HK2: variants seen among roughly 807,000 people sequenced by gnomAD.
The protein encoded by HK2 is hexokinase-2.
HK2 carries 42 observed loss-of-function variants against 92.9 expected under a neutral mutation model. The observed-to-expected ratio is 0.45, with a 90% CI of 0.35 to 0.58. The LOEUF (loss-of-function observed/expected upper bound fraction) is 0.58, where lower values mean the gene tolerates loss of function less well. Among genes scored for constraint, HK2 ranks in the 20% least tolerant of loss-of-function variants. HK2 has a pLI of 0.00. For missense variants in HK2, 978 were observed against 1,245.1 expected (o/e 0.79, Z 3.23); for synonymous variants, 422 against 468.0 (o/e 0.90, Z 1.27).
intron 1 of HK2, among the ~76,000 whole-genome samples, chr2:74,840,878 C>CAAA (rs56344068): frequency 3.4e-4 from 19 of 55,946 alleles, no homozygotes; most frequent in East Asian, 8.2e-4. Context: ...GACTCTGTCT[C>CAAA]AAAAAAAAAA....
intron 1 of HK2, among the ~76,000 whole-genome samples, chr2:74,849,770 C>T (rs1450911936): frequency 2.0e-5 from 3 of 152,192 alleles, no homozygotes; most frequent in Non-Finnish European, 4.4e-5. Flanking sequence ...TCATGTGGGG[C>T]TATTCATCCT....
Position 74,867,896 on chromosome 2 carries a change from C to T in HK2, c.375+112C>T, listed in dbSNP as rs753786792. The stretch of plus-strand genomic sequence containing the variant: ...TGTGGATAGGCAGTCACCCAAGACA[C>T]TCATGGATGCCAGCACAGCTGTAAG... On this transcript the variant is annotated intron_variant, in intron 3 of 17. Coordinates refer to ENST00000290573, the MANE Select transcript of HK2 (RefSeq NM_000189.5). 11 of 1,222,040 alleles carry T rather than the reference C, an allele frequency of 9.0e-6. 1 individual carries two copies. Among genetic ancestry groups the T allele is most frequent in the Non-Finnish European group, 1.3e-5 (11 of 830,472 alleles). 75.7% of individuals were successfully genotyped at this position (1,222,040 alleles called of 1,614,324 possible).
At chr2:74,889,626 C>A in intron 17 of HK2, 148 bp downstream of exon 17, 5 of 730,722 alleles carry the variant, frequency 6.8e-6, no homozygotes, top group Non-Finnish European at 9.6e-6. Flanking sequence ...TTTAAAGATT[C>A]ATAATCAGAA....
chr2:74,876,600 C>T (rs1689236974), intron 7 of HK2, among the ~76,000 whole-genome samples: 1 of 152,228 alleles, frequency 6.6e-6, no homozygotes, highest in Middle Eastern at 3.4e-3. Flanking sequence ...ATTTAGAGCT[C>T]GGAGCCCAGT....
intron 1 of HK2, among the ~76,000 whole-genome samples, chr2:74,836,741 T>G (rs1424224116): frequency 1.3e-5 from 2 of 152,170 alleles, no homozygotes; most frequent in African/African-American, 4.8e-5. Context: ...GGCAGTTACA[T>G]AGAAAGCAGA....
At position 74,880,660 on chromosome 2, in the gene HK2, C is replaced by T. The variant is rs908888328; in HGVS notation, c.1570+91C>T. 10 of 1,291,332 alleles carry T rather than the reference C, an allele frequency of 7.7e-6. No homozygotes were observed. In the African/African-American group the frequency reaches 8.7e-5, roughly 11 times the overall value. 80.0% of individuals were successfully genotyped at this position (1,291,332 alleles called of 1,614,324 possible). On this transcript the variant is annotated intron_variant, in intron 10 of 17. Transcript: ENST00000290573. ...GGGATCCCTTAGCATTAGCATTGGA[C>T]ATTTGAACCAGAACACGTTTCTTCA...
At position 74,864,945 on chromosome 2, in the gene HK2, A is replaced by G. The variant is rs1688911967; in HGVS notation, c.227-2691A>G. ...GAGAGCCCTGTGATGTGCCCACACC[A>G]CACAGGTAGTGAAGCTGCTGAGCTG... On this transcript the variant is annotated intron_variant, in intron 2 of 17. Transcript: ENST00000290573. Among the ~76,000 whole-genome samples the G allele has an allele frequency of 2.0e-5, 3 of 152,308 alleles. No homozygotes were observed. In the South Asian group the frequency reaches 6.2e-4, roughly 32 times the overall value.
At chr2:74,869,982 G>GTCTTT (rs377204746) in intron 3 of HK2, among the ~76,000 whole-genome samples, 1,663 of 149,536 alleles carry the variant, frequency 0.011, 32 homozygotes, top group African/African-American at 0.039. Context: ...AATTTTTAAG[G>GTCTTT]TCTTTTTTCT....
chr2:74,840,096 C>T (rs909763916), intron 1 of HK2, among the ~76,000 whole-genome samples: 1 of 151,338 alleles, frequency 6.6e-6, no homozygotes, highest in African/African-American at 2.4e-5. Context: ...GCTGGGACTA[C>T]AGGCGCCCAC....
chr2:74,867,290 A>T lies in HK2; in HGVS notation c.227-346A>T, dbSNP rs906519681. Among the ~76,000 whole-genome samples the T allele has an allele frequency of 3.3e-5, 5 of 152,194 alleles. 1 individual carries two copies. The highest frequency in any genetic ancestry group is 1.2e-4 in the African/African-American group (5 of 41,438). On this transcript the variant is annotated intron_variant, in intron 2 of 17. Transcript: ENST00000290573. ...ACTCTGGAATGGAAAACCAAACATC[A>T]TATGTTCTCACTCATAATTGGGAAC...
chr2:74,889,573 T>A, intron 17 of HK2, 95 bp downstream of exon 17: 1 of 841,864 alleles, frequency 1.2e-6, no homozygotes, highest in African/African-American at 1.7e-5. Flanking sequence ...TTATAGTGAA[T>A]TATCAGCCAT....
At chr2:74,875,951 A>AT (rs1689221270) in intron 7 of HK2, among the ~76,000 whole-genome samples, 1 of 152,144 alleles carries the variant, frequency 6.6e-6, no homozygotes. Context: ...ACTACAGACA[A>AT]TTTTTGTCCC....
chr2:74,871,471 C>T (rs1327572884), intron 3 of HK2, among the ~76,000 whole-genome samples: 3 of 152,138 alleles, frequency 2.0e-5, no homozygotes, highest in Admixed American at 6.5e-5. Flanking sequence ...TCTCTTTGAG[C>T]GTGTAGGGTG....
rs1689396693 is a variant in HK2, at chr2:74,881,726, T to G, written c.1586T>G (p.Leu529Trp). 1 of 1,614,090 alleles carries G rather than the reference T, an allele frequency of 6.2e-7. No individual in the cohort carries two copies. Among genetic ancestry groups the G allele is most frequent in the South Asian group, 1.1e-5 (1 of 91,090 alleles). Reference protein sequence around the residue: ...TPDGTEKGDFLALDLGGTNFR... With the variant: ...TPDGTEKGDFWALDLGGTNFR... ...TATTTTCCAGAGAAAGGGGACTTCTTGGCCTTGGACCTTGGAGGAACAAAT... is the reference window on the plus strand; with the variant it reads ...TATTTTCCAGAGAAAGGGGACTTCTGGGCCTTGGACCTTGGAGGAACAAAT... The change falls in exon 11 of 18, where the codon TTG becomes TGG. Residue 529 changes from leucine to tryptophan, a missense_variant. Around this residue, in one of 3 missense-constraint regions of HK2, gnomAD observed 742 missense variants for 922.5 expected, o/e 0.80. Transcript: ENST00000290573.
chr2:74,854,485 C>T, intron 2 of HK2, 30 bp downstream of exon 2: 1 of 1,613,364 alleles, frequency 6.2e-7, no homozygotes, highest in Non-Finnish European at 8.5e-7. Context: ...GCTCTAGCTG[C>T]TGCGTTACTC....
At chr2:74,878,950 C>T (rs920352707) in intron 9 of HK2, 29 bp downstream of exon 9, 10 of 1,526,692 alleles carry the variant, frequency 6.6e-6, no homozygotes, top group South Asian at 1.2e-5. Flanking sequence ...CCTGGAGATG[C>T]GGAGTTCCTG....
Position 74,853,518 on chromosome 2 carries a change from AAACAACAACAACAAC to A in HK2, c.64-742_64-728del, listed in dbSNP as rs146960066. 3.6e-3 allele frequency among the ~76,000 whole-genome samples: 512 copies of A among 143,464 alleles called. 5 individuals carry two copies. The highest frequency in any genetic ancestry group is 0.01 in the Middle Eastern group (3 of 292). The allele number at this position is 143,464 out of a possible 152,430, so 94.1% of individuals were successfully genotyped here. ...GGTGACAGGGTGAGACTCAGCCTCA[AAACAACAACAACAAC>A]AACAACAACAACAACAACAACAACA... On this transcript the variant is annotated intron_variant, in intron 1 of 17. Coordinates refer to ENST00000290573, the MANE Select transcript of HK2 (RefSeq NM_000189.5).
Position 74,838,555 on chromosome 2 carries a change from T to TTTTTA in HK2, c.63+3913_63+3914insTTTAT, listed in dbSNP as rs1277210552. 7.9e-5 allele frequency among the ~76,000 whole-genome samples: 12 copies of TTTTTA among 151,178 alleles called. 1 individual carries two copies. In the South Asian group the frequency reaches 2.1e-3, roughly 26 times the overall value. On this transcript the variant is annotated intron_variant, in intron 1 of 17. Coordinates refer to ENST00000290573, the MANE Select transcript of HK2 (RefSeq NM_000189.5). ...TCTTTCTATTTTTTTTTTTTTTTTT[T>TTTTTA]TGAGACGGAGTCTCGCTCTGTCGCC...
Position 74,834,489 on chromosome 2 carries a change from C to A in HK2, c.-92C>A. ...CCCAGCTCCCGGCCCGGCAGCCGAG[C>A]CCCAGCACAAAGCAGTCGGACCGCG... On this transcript the variant is annotated 5_prime_UTR_variant, in exon 1 of 18. Coordinates refer to ENST00000290573, the MANE Select transcript of HK2 (RefSeq NM_000189.5). This position sits in a 1 kb window ranked among gnomAD's most constrained non-coding sequence, Gnocchi z 4.2. 5 of 1,310,366 alleles carry A rather than the reference C, an allele frequency of 3.8e-6. No individual in the cohort carries two copies. The highest frequency in any genetic ancestry group is 4.4e-6 in the Non-Finnish European group (4 of 910,660). 81.2% of individuals were successfully genotyped at this position (1,310,366 alleles called of 1,614,324 possible).
Sources: allele counts gnomAD v4.1 joint callset (sites outside exome capture counted in the v4.1 genomes callset), GRCh38; gene constraint gnomAD v4.1.1; regional missense constraint gnomAD v4.1.1; non-coding constraint Gnocchi (gnomAD v3.1); transcripts MANE v1.5; gene names NCBI Gene and HGNC (gene_info 2026-07-23, HGNC 2026-07-21).